The following LGR6 variants were observed in gnomAD, a reference collection of about 807,000 sequenced individuals.
LGR6 encodes the protein leucine-rich repeat-containing G protein-coupled receptor 6.
In LGR6, 45 loss-of-function variants were observed where a neutral mutation model predicts 69.4. The ratio of observed to expected loss-of-function variants is 0.65; its 90% confidence interval spans 0.51 to 0.83. The LOEUF is 0.83. LGR6 is among the 40% of genes least tolerant of loss of function. The pLI is 0.00. For missense variants in LGR6, 1,108 were observed against 1,246.7 expected, an observed-to-expected ratio of 0.89 and a Z score of 1.68; for synonymous variants, 538 against 555.0, an observed-to-expected ratio of 0.97 and a Z score of 0.43.
intron 17 of LGR6, among the ~76,000 whole-genome samples, chr1:202,317,731 C>T (rs1654256184): frequency 6.6e-6 from 1 of 152,138 alleles, no homozygotes; most frequent in Non-Finnish European, 1.5e-5. Context: ...TCGTGTATGT[C>T]CCACAGCTGG....
chr1:202,271,820 A>AAAG (rs1553249585), intron 4 of LGR6, among the ~76,000 whole-genome samples: 2 of 150,000 alleles, frequency 1.3e-5, no homozygotes, highest in East Asian at 2.0e-4. Context: ...AAAAAAAAAA[A>AAAG]AAAAAAAAAG....
intron 3 of LGR6, 123 bp from the exon 4 acceptor site, chr1:202,235,799 T>A (rs1661494325): frequency 2.6e-6 from 2 of 763,086 alleles, no homozygotes; most frequent in Non-Finnish European, 4.5e-6. Flanking sequence ...TCTCTGGGGC[T>A]CTGAGGCTGG....
intron 16 of LGR6, among the ~76,000 whole-genome samples, chr1:202,311,926 A>G (rs924151607): frequency 1.3e-5 from 2 of 152,292 alleles, no homozygotes; most frequent in Middle Eastern, 3.4e-3. Context: ...GGAGGGTATG[A>G]GGACCCGATG....
intron 1 of LGR6, among the ~76,000 whole-genome samples, chr1:202,218,602 G>T (rs1446148335): frequency 2.0e-5 from 3 of 152,152 alleles, no homozygotes; most frequent in African/African-American, 7.2e-5. Context: ...GCAGCGAGTG[G>T]GACAGTCCCG....
intron 3 of LGR6, among the ~76,000 whole-genome samples, chr1:202,234,621 G>A (rs10920370): frequency 3.3e-5 from 5 of 152,264 alleles, no homozygotes; most frequent in Middle Eastern, 6.8e-3. Flanking sequence ...TCAAAGCCTA[G>A]CTCTGTCAGT....
chr1:202,310,358 G>T lies in LGR6; in HGVS notation c.1567+1G>T. The T allele has an allele frequency of 1.9e-6, 3 of 1,613,336 alleles. No homozygotes were observed. Among genetic ancestry groups the T allele is most frequent in the Non-Finnish European group, 2.5e-6 (3 of 1,179,922 alleles). On this transcript the variant is annotated splice_donor_variant, in intron 16 of 17. Transcript: ENST00000367278. LOFTEE classifies it high-confidence loss of function. Reference sequence around the variant, plus strand: ...CTTGCCAGACAAGCAGAGAACCACTGTGAGTGACCAGGGGCCCTGGGTTGG... The same window carrying T: ...CTTGCCAGACAAGCAGAGAACCACTTTGAGTGACCAGGGGCCCTGGGTTGG...
intron 4 of LGR6, among the ~76,000 whole-genome samples, chr1:202,238,948 G>C (rs928696087): frequency 3.3e-5 from 5 of 152,176 alleles, no homozygotes; most frequent in African/African-American, 1.2e-4. Context: ...GTTTTAACAA[G>C]AGCCTGGGTG....
chr1:202,250,950 A>G (rs897466658), intron 4 of LGR6, among the ~76,000 whole-genome samples: 3 of 151,920 alleles, frequency 2.0e-5, no homozygotes, highest in African/African-American at 7.3e-5. Context: ...CCCTTCCTCT[A>G]CATTCTTCCT....
chr1:202,204,427 CCAAA>C (rs1658972150), intron 1 of LGR6, among the ~76,000 whole-genome samples: 3 of 96,584 alleles, frequency 3.1e-5, no homozygotes, highest in Non-Finnish European at 6.6e-5. Flanking sequence ...ACACACACCT[CCAAA>C]CACACACACA....
intron 4 of LGR6, among the ~76,000 whole-genome samples, chr1:202,251,811 G>T (rs1387741497): frequency 6.6e-6 from 1 of 152,212 alleles, no homozygotes; most frequent in Non-Finnish European, 1.5e-5. Flanking sequence ...AACATCTGGA[G>T]TGTGGGGGGC....
intron 1 of LGR6, chr1:202,214,259 C>G: frequency 1.3e-6 from 2 of 1,524,172 alleles, no homozygotes; most frequent in South Asian, 1.3e-5. Flanking sequence ...GGAAGGGTGC[C>G]GAGCTCCGGA....
intron 6 of LGR6, among the ~76,000 whole-genome samples, chr1:202,286,738 T>A (rs1038296554): frequency 2.6e-5 from 4 of 151,944 alleles, no homozygotes; most frequent in Admixed American, 1.3e-4. Flanking sequence ...CATATAAAAA[T>A]TTTTTTTTCT....
At position 202,276,533 on chromosome 1, in the gene LGR6, T is replaced by C. The variant is rs1369542704; in HGVS notation, c.644+12T>C. The C allele has an allele frequency of 6.2e-7, 1 of 1,605,302 alleles. No homozygotes were observed. The highest frequency in any genetic ancestry group is 8.5e-7 in the Non-Finnish European group (1 of 1,174,032). ...AGCCTTGTGGTGCTGTGAGTGCTGC[T>C]CTGTTCCCCATCCCCAGTGGGGTCC... On this transcript the variant is annotated intron_variant, in intron 5 of 17. Transcript: ENST00000367278.
intron 9 of LGR6, among the ~76,000 whole-genome samples, chr1:202,301,829 C>T (rs1260241075): frequency 6.6e-6 from 1 of 152,000 alleles, no homozygotes; most frequent in East Asian, 1.9e-4. Context: ...CCAGCCTGGC[C>T]AACATGGTAA....
intron 1 of LGR6, among the ~76,000 whole-genome samples, chr1:202,224,174 GATA>G (rs1571838121): frequency 6.6e-6 from 1 of 152,108 alleles, no homozygotes; most frequent in East Asian, 1.9e-4. Flanking sequence ...GTAAAATGGA[GATA>G]ATGATGGAAG....
At chr1:202,283,583 G>C (rs1666175716) in intron 6 of LGR6, among the ~76,000 whole-genome samples, 1 of 152,220 alleles carries the variant, frequency 6.6e-6, no homozygotes, top group African/African-American at 2.4e-5. Context: ...GGCTGGAGCT[G>C]TGGTTTGGCT....
In LGR6 at chr1:202,236,026, C is replaced by T. The variant is rs751489488; in HGVS notation, c.428+33C>T. ...ATTAGAGGGCTGGTCTGGGAGTCAC[C>T]AGCTTCCTGGGGCCTGAGTCACAGC... On this transcript the variant is annotated intron_variant, in intron 4 of 17. Coordinates refer to ENST00000367278, the MANE Select transcript of LGR6 (RefSeq NM_001017403.2). The T allele has an allele frequency of 2.5e-6, 4 of 1,592,020 alleles. No homozygotes were observed. The South Asian group carries it at 4.4e-5, about 18-fold the overall frequency.
In LGR6 at chr1:202,318,303, G is replaced by A; in HGVS notation, c.2000G>A (p.Cys667Tyr). The change falls in exon 18 of 18, where the codon TGC (cysteine) becomes TAC (tyrosine). Residue 667 changes from cysteine (C) to tyrosine (Y), a missense_variant. Coordinates refer to ENST00000367278, the MANE Select transcript of LGR6 (RefSeq NM_001017403.2). ...CTGCTCACTCTGGCCGCAGTGCAGT[G>A]CAGCGTCTCCGTCTCCTGTGTCCGG... ...VLLLTLAAVQ[C>Y]SVSVSCVRAY... 2 of 1,596,672 alleles carry A rather than the reference G, an allele frequency of 1.3e-6. No homozygotes were observed. The highest frequency in any genetic ancestry group is 1.7e-6 in the Non-Finnish European group (2 of 1,170,644).
intron 1 of LGR6, among the ~76,000 whole-genome samples, chr1:202,223,204 C>T (rs984898972): frequency 3.9e-5 from 6 of 152,174 alleles, no homozygotes; most frequent in African/African-American, 1.2e-4. Flanking sequence ...ATTTCTAGAC[C>T]GGCAAGCCCA....
Sources: gnomAD v4.1 joint callset for allele counts (sites outside exome capture counted in the v4.1 genomes callset) on GRCh38, gnomAD v4.1.1 for gene constraint, MANE v1.5 for transcripts, NCBI Gene and HGNC (gene_info 2026-07-23, HGNC 2026-07-21) for gene names.